The following TMEM232 variants were observed in gnomAD, a reference collection of about 807,000 sequenced individuals.
TMEM232 encodes transmembrane protein 232.
A neutral mutation model predicts 78.8 loss-of-function variants in TMEM232; 80 were observed. That is an observed-to-expected ratio of 1.01 (90% CI 0.85 to 1.22). TMEM232 has a LOEUF of 1.22. Ranked by LOEUF, TMEM232 falls within the 50% of genes most tolerant of loss-of-function variation. The pLI, the probability that TMEM232 is intolerant of heterozygous loss-of-function variation, is 0.00. For synonymous variants in TMEM232, 297 were observed against 254.3 expected, an observed-to-expected ratio of 1.17 and a Z score of -1.60; for missense variants, 881 against 742.2, an observed-to-expected ratio of 1.19 and a Z score of -2.17.
chr5:110,568,113 T>A (rs762402711), intron 11 of TMEM232, among the ~76,000 whole-genome samples: 1 of 151,886 alleles, frequency 6.6e-6, no homozygotes, highest in East Asian at 1.9e-4. Flanking sequence ...GCTACTTCAA[T>A]CTAGTGTACC....
chr5:110,636,468 C>G (rs1258812082), intron 5 of TMEM232, among the ~76,000 whole-genome samples: 1 of 151,906 alleles, frequency 6.6e-6, no homozygotes, highest in Non-Finnish European at 1.5e-5. Context: ...CCCTAAATAT[C>G]CTGACTTGTT....
intron 3 of TMEM232, among the ~76,000 whole-genome samples, chr5:110,393,901 C>G (rs192821041): frequency 6.9e-6 from 1 of 144,132 alleles, no homozygotes; most frequent in Non-Finnish European, 1.5e-5. Flanking sequence ...GAGGTTGCAG[C>G]GGGCCACAAT....
intron 11 of TMEM232, among the ~76,000 whole-genome samples, chr5:110,562,027 G>A (rs1157337386): frequency 1.3e-5 from 2 of 152,028 alleles, no homozygotes; most frequent in Non-Finnish European, 2.9e-5. Context: ...TGGTCGTACA[G>A]AGCACTGAAT....
chr5:110,490,821 A>G (rs939881724), intron 12 of TMEM232, among the ~76,000 whole-genome samples: 5 of 152,276 alleles, frequency 3.3e-5, no homozygotes, highest in Non-Finnish European at 5.9e-5. Flanking sequence ...ATCAGAAGTT[A>G]ACTAAACTGC....
At chr5:110,547,179 C>T (rs1230293851) in intron 11 of TMEM232, among the ~76,000 whole-genome samples, 1 of 152,026 alleles carries the variant, frequency 6.6e-6, no homozygotes, top group African/African-American at 2.4e-5. Context: ...CTTGTTTTGT[C>T]TTATTTGTAT....
intron 12 of TMEM232, among the ~76,000 whole-genome samples, chr5:110,516,447 A>C (rs1768661330): frequency 6.6e-6 from 1 of 152,166 alleles, no homozygotes; most frequent in Admixed American, 6.5e-5. Context: ...TTTGATCTTC[A>C]TAGTTCTAAA....
chr5:110,528,830 C>T lies in TMEM232; in HGVS notation c.1461G>A (p.Glu487=). ...IQNAINIAQA[E]LNDPTDPFTR... is the part of the protein sequence containing the mutation. ...TGAAAGGATCAGTTGGGTCATTTAA[C>T]TCAGCCTGTTGAAAGAAAAGAGAAA... is the stretch of plus-strand genomic sequence containing the variant. Residue 487 remains glutamate, a synonymous_variant, in exon 12 of 14, where the codon GAG becomes GAA. Coordinates refer to ENST00000455884, the MANE Select transcript of TMEM232 (RefSeq NM_001039763.4). The T allele has an allele frequency of 1.4e-6, 2 of 1,443,120 alleles. No individual in the cohort carries two copies. Among genetic ancestry groups the T allele is most frequent in the South Asian group, 3.1e-5 (2 of 64,874 alleles). The allele number at this position is 1,443,120 out of a possible 1,614,324, so 89.4% of individuals were successfully genotyped here.
At chr5:110,495,597 A>C (rs943799172) in intron 12 of TMEM232, among the ~76,000 whole-genome samples, 2 of 151,918 alleles carry the variant, frequency 1.3e-5, no homozygotes, top group Non-Finnish European at 2.9e-5. Context: ...CAGATATAAA[A>C]ATTATGATTC....
At chr5:110,738,035 A>C (rs906901449) in exon 1 of TMEM232, 13 of 232,302 alleles carry the variant, frequency 5.6e-5, no homozygotes, top group Non-Finnish European at 3.5e-5. Flanking sequence ...CCACAGAAAA[A>C]AATGTCAGTT....
intron 1 of TMEM232, among the ~76,000 whole-genome samples, chr5:110,689,617 G>A (rs995158229): frequency 1.7e-4 from 26 of 152,150 alleles, no homozygotes; most frequent in Admixed American, 7.2e-4. Context: ...TTTCTTCACA[G>A]AATTAGGAGA....
At chr5:110,514,571 G>T (rs2149481356) in intron 12 of TMEM232, among the ~76,000 whole-genome samples, 1 of 151,936 alleles carries the variant, frequency 6.6e-6, no homozygotes, top group South Asian at 2.1e-4. Flanking sequence ...GAAGCCTAAG[G>T]CTCAGAGAAG....
chr5:110,509,012 A>G (rs941047083), intron 12 of TMEM232, among the ~76,000 whole-genome samples: 5 of 143,648 alleles, frequency 3.5e-5, no homozygotes, highest in East Asian at 3.9e-4. Context: ...ATATATATGT[A>G]TATATATACA....
At chr5:110,580,336 A>G (rs1778046780) in intron 10 of TMEM232, among the ~76,000 whole-genome samples, 1 of 146,522 alleles carries the variant, frequency 6.8e-6, no homozygotes, top group South Asian at 2.1e-4. Flanking sequence ...ACAAACAGTT[A>G]GCATTGTGTT....
intron 12 of TMEM232, among the ~76,000 whole-genome samples, chr5:110,481,385 T>G (rs537800929): frequency 1.3e-5 from 2 of 152,242 alleles, no homozygotes; most frequent in African/African-American, 4.8e-5. Flanking sequence ...TATCTTCCTT[T>G]GGAAAAAACT....
At chr5:110,470,689 C>T (rs188227714) in intron 12 of TMEM232, among the ~76,000 whole-genome samples, 14 of 152,282 alleles carry the variant, frequency 9.2e-5, no homozygotes, top group Admixed American at 3.3e-4. Context: ...GAACCAGAGT[C>T]AGCACACCCT....
rs201216390 is a variant in TMEM232 at position 110,468,138 on chromosome 5, T to TA, written c.1704-43223dup. 6.9e-3 allele frequency among the ~76,000 whole-genome samples: 1,046 copies of TA among 151,576 alleles called. 10 individuals carry two copies. Among genetic ancestry groups the TA allele is most frequent in the African/African-American group, 0.024 (987 of 41,316 alleles). ...ATAGATACATTACTTTACTTTAAAA[T>TA]AAAAAAAAGATATATTACAGCTAAC... On this transcript the variant is annotated intron_variant, in intron 12 of 13. Coordinates refer to ENST00000455884, the MANE Select transcript of TMEM232 (RefSeq NM_001039763.4).
At chr5:110,673,222 A>G (rs537198586) in intron 1 of TMEM232, among the ~76,000 whole-genome samples, 9 of 151,012 alleles carry the variant, frequency 6.0e-5, no homozygotes, top group African/African-American at 1.9e-4. Context: ...CAAACACCGC[A>G]TGTTCTCACT....
intron 1 of TMEM232, among the ~76,000 whole-genome samples, chr5:110,713,808 G>A (rs1297248592): frequency 6.6e-6 from 1 of 152,156 alleles, no homozygotes; most frequent in East Asian, 1.9e-4. Flanking sequence ...CCCAAGCTGG[G>A]TGGCAGAGAG....
At chr5:110,493,082 A>G (rs1765282291) in intron 12 of TMEM232, among the ~76,000 whole-genome samples, 1 of 151,970 alleles carries the variant, frequency 6.6e-6, no homozygotes, top group East Asian at 1.9e-4. Flanking sequence ...ATTTGTAAAC[A>G]ACAACAACAA....
Sources: allele counts gnomAD v4.1 joint callset (sites outside exome capture counted in the v4.1 genomes callset), GRCh38; gene constraint gnomAD v4.1.1; transcripts MANE v1.5; gene names NCBI Gene and HGNC (gene_info 2026-07-23, HGNC 2026-07-21).